Variants in SLC17A7 observed in about 807,000 individuals in gnomAD.
SLC17A7 encodes solute carrier family 17 member 7.
In SLC17A7, 15 loss-of-function variants were observed where a neutral mutation model predicts 59.1. The observed-to-expected ratio is 0.25, with a 90% confidence interval of 0.17 to 0.39. The LOEUF is 0.39. Ranked by LOEUF, SLC17A7 falls within the 10% of genes least tolerant of loss-of-function variation. The pLI, the probability that SLC17A7 is intolerant of heterozygous loss-of-function variation, is 1.00. For synonymous variants in SLC17A7, 353 were observed against 308.9 expected, an observed-to-expected ratio of 1.14 and a Z score of -1.50; for missense variants, 499 against 765.1, an observed-to-expected ratio of 0.65 and a Z score of 4.10.
Position 49,434,667 on chromosome 19 carries a change from T to G in SLC17A7, c.572A>C (p.His191Pro). The change falls in exon 5 of 12, where the codon CAT becomes CCT. Residue 191 changes from histidine (H) to proline (P), a missense_variant. His to Pro is a moderately conservative substitution (Grantham distance 77). Coordinates refer to ENST00000221485, the MANE Select transcript of SLC17A7 (RefSeq NM_020309.4). ...TGGGGCCCATTTGCTCCAGATCCCATGGCAGGCGGGGTATGTGACCCCCTA... is the reference window on the plus strand; with the variant it reads ...TGGGGCCCATTTGCTCCAGATCCCAGGGCAGGCGGGGTATGTGACCCCCTA... ...LVEGVTYPAC[H>P]GIWSKWAPPL... 1 of 1,614,024 alleles carries G rather than the reference T, an allele frequency of 6.2e-7. No individual in the cohort carries two copies. The highest frequency in any genetic ancestry group is 8.5e-7 in the Non-Finnish European group (1 of 1,179,982).
chr19:49,441,249 C>T (rs369662833), intron 1 of SLC17A7, 69 bp downstream of exon 1: 9 of 1,565,094 alleles, frequency 5.8e-6, no homozygotes, highest in South Asian at 3.5e-5. Context: ...TGTCAGTCTG[C>T]GCCCAGGTGG....
Position 49,430,738 on chromosome 19 carries a change from G to A in SLC17A7, c.1464C>T (p.Val488=). 1 of 1,614,108 alleles carries A rather than the reference G, an allele frequency of 6.2e-7. No individual in the cohort carries two copies. The highest frequency in any genetic ancestry group is 8.5e-7 in the Non-Finnish European group (1 of 1,180,004). ...ACGGCTGCTTCTCTCCAGAAGCAAA[G>A]ACCCCGTAGAAGATGACACCTCCAT... ...VHYGGVIFYG[V]FASGEKQPWA... The change falls in exon 12 of 12, where the codon GTC becomes GTT. Residue 488 remains valine (V), a synonymous_variant. Transcript: ENST00000221485.
At position 49,433,858 on chromosome 19, in the gene SLC17A7, C is replaced by A; in HGVS notation, c.735G>T (p.Gly245=). 1 of 1,611,094 alleles carries A rather than the reference C, an allele frequency of 6.2e-7. No individual in the cohort carries two copies. Among genetic ancestry groups the A allele is most frequent in the Non-Finnish European group, 8.5e-7 (1 of 1,177,842 alleles). ...SSVFYVYGSF[G]IFWYLFWLLV... is the part of the protein sequence containing the mutation. ...GCAGCCAGAACAGGTACCAGAAGAT[C>A]CCGAAGCTGCCTGGGGGGGTCAGGA... Residue 245 remains glycine (G), a synonymous_variant, in exon 7 of 12, where the codon GGG becomes GGT. Coordinates refer to ENST00000221485, the MANE Select transcript of SLC17A7 (RefSeq NM_020309.4). This position sits in a 1 kb window ranked among gnomAD's most constrained non-coding sequence, Gnocchi z 5.7.
In SLC17A7 at chr19:49,430,243, C is replaced by G; in HGVS notation, c.*276G>C. 1 of 326,970 alleles carries G rather than the reference C, an allele frequency of 3.1e-6. No homozygotes were observed. Among genetic ancestry groups the G allele is most frequent in the South Asian group, 6.6e-5 (1 of 15,138 alleles). 20.3% of individuals were successfully genotyped at this position (326,970 alleles called of 1,614,324 possible). A position where few individuals can be genotyped will look rare whatever the true frequency, so the allele number is the denominator to read the frequency against. ...GGTCGAACTGTCCATTCAAATAAAG[C>G]CCTGAAAGGAGAGATTTGAAACCAC... is the stretch of plus-strand genomic sequence containing the variant. On this transcript the variant is annotated 3_prime_UTR_variant, in exon 12 of 12. Coordinates refer to ENST00000221485, the MANE Select transcript of SLC17A7 (RefSeq NM_020309.4).
intron 5 of SLC17A7, 91 bp downstream of exon 5, chr19:49,434,511 C>G (rs1600986166): frequency 1.4e-5 from 15 of 1,082,398 alleles, no homozygotes; most frequent in Non-Finnish European, 1.7e-5. Context: ...AGGAGTTCAG[C>G]CCCCCCAGCC....
Position 49,431,406 on chromosome 19 carries a change from G to C in SLC17A7, c.1193C>G (p.Ser398Trp). ...EATLLLVVGY[S>W]HSKGVAISFL... ...GGAGATGGCCACGCCCTTGGAGTGC[G>C]AGTAGCCGACCACCAACAGCAGCGT... Residue 398 changes from serine (S) to tryptophan (W), a missense_variant, in exon 10 of 12, where the codon TCG becomes TGG. Ser to Trp is a radical substitution (Grantham distance 177, BLOSUM62 -3). Coordinates refer to ENST00000221485, the MANE Select transcript of SLC17A7 (RefSeq NM_020309.4). The surrounding 1 kb of genome is among the most constrained non-coding windows in gnomAD (Gnocchi z 4.6). 1 of 1,614,102 alleles carries C rather than the reference G, an allele frequency of 6.2e-7. No homozygotes were observed. Among genetic ancestry groups the C allele is most frequent in the Non-Finnish European group, 8.5e-7 (1 of 1,180,020 alleles).
intron 3 of SLC17A7, 129 bp from the exon 4 acceptor site, chr19:49,435,011 A>C: frequency 9.8e-7 from 1 of 1,023,278 alleles, no homozygotes; most frequent in Non-Finnish European, 1.5e-6. Flanking sequence ...TCTGACTTAC[A>C]CCTTCCTCAA....
Position 49,430,636 on chromosome 19 carries a change from G to C in SLC17A7, c.1566C>G (p.Ser522Arg), listed in dbSNP as rs1226185492. The C allele has an allele frequency of 1.9e-6, 3 of 1,613,934 alleles. No homozygotes were observed. The highest frequency in any genetic ancestry group is 1.3e-5 in the African/African-American group (1 of 74,892). ...GHDQLAGSDD[S>R]EMEDEAEPPG... ...GGGGCTCAGCCTCATCCTCCATTTC[G>C]CTGTCGTCACTGCCAGCCAGCTGGT... The change falls in exon 12 of 12, where the codon AGC (serine) becomes AGG (arginine). Residue 522 changes from serine to arginine, a missense_variant. This residue lies in a region of SLC17A7 where 98 missense variants were observed against 77.5 expected (regional missense o/e 1.27). Coordinates refer to ENST00000221485, the MANE Select transcript of SLC17A7 (RefSeq NM_020309.4).
chr19:49,436,754 G>A lies in SLC17A7; in HGVS notation c.110C>T (p.Ala37Val), dbSNP rs2078981365. ...QEGAETLELSADGRPVTTQTR... is the reference protein window; with the variant it reads ...QEGAETLELSVDGRPVTTQTR... ...CTGCGTGGTCACCGGGCGCCCATCC[G>A]CACTCAGCTCCAGCGTCTCCGCGCC... The change falls in exon 2 of 12, where the codon GCG (alanine) becomes GTG (valine). Residue 37 changes from alanine to valine, a missense_variant. Ala to Val is a moderately conservative substitution (Grantham distance 64, BLOSUM62 0). Transcript: ENST00000221485. The surrounding 1 kb of genome is among the most constrained non-coding windows in gnomAD (Gnocchi z 4.1). 1.2e-6 allele frequency: 2 copies of A among 1,608,342 alleles called. No homozygotes were observed. The highest frequency in any genetic ancestry group is 2.2e-5 in the East Asian group (1 of 44,880).
chr19:49,434,944 T>G (rs1464494993), intron 3 of SLC17A7, 62 bp from the exon 4 acceptor site: 4 of 1,521,656 alleles, frequency 2.6e-6, no homozygotes, highest in East Asian at 4.6e-5. Flanking sequence ...ATTCTGCCTT[T>G]CCCGCCCACA....
In SLC17A7 at chr19:49,431,209, T is replaced by C. The variant is rs910280533; in HGVS notation, c.1262-67A>G. ...ACTCGAGTGATTCCCACTGGGACGT[T>C]CTCAACCCTCTCCCCTCCCCGCCAC... On this transcript the variant is annotated intron_variant, in intron 10 of 11. Transcript: ENST00000221485. The surrounding 1 kb of genome is among the most constrained non-coding windows in gnomAD (Gnocchi z 4.6). 18 of 1,567,670 alleles carry C rather than the reference T, an allele frequency of 1.1e-5. No homozygotes were observed. The highest frequency in any genetic ancestry group is 1.6e-5 in the Non-Finnish European group (18 of 1,154,042).
rs70954427 is a variant in SLC17A7 at position 49,431,782 on chromosome 19, GTTT to G, written c.1151-337_1151-335del. On this transcript the variant is annotated intron_variant, in intron 9 of 11. Transcript: ENST00000221485. The surrounding 1 kb of genome is among the most constrained non-coding windows in gnomAD (Gnocchi z 4.6). ...CTCAATCCCCACTCATGAGTTTTTG[GTTT>G]TTTTTTTTTTTAATTTTTGATTTTT... 2.4e-4 allele frequency among the ~76,000 whole-genome samples: 36 copies of G among 148,724 alleles called. No homozygotes were observed. The highest frequency in any genetic ancestry group is 6.4e-4 in the South Asian group (3 of 4,718).
In SLC17A7 at chr19:49,430,792, G is replaced by A. The variant is rs1359315634; in HGVS notation, c.1410C>T (p.Tyr470=). The A allele has an allele frequency of 1.2e-6, 2 of 1,611,998 alleles. No individual in the cohort carries two copies. The highest frequency in any genetic ancestry group is 1.7e-5 in the Admixed American group (1 of 59,860). The stretch of plus-strand genomic sequence containing the variant: ...GCACCAGGGAGGCAATTAGGAACAC[G>A]TACTGCCACTCCTCCCGAGTCTGCA... The part of the protein sequence containing the change: ...TKHKTREEWQ[Y]VFLIASLVHY... The change falls in exon 12 of 12, where the codon TAC becomes TAT. Residue 470 remains tyrosine, a synonymous_variant. Transcript: ENST00000221485.
chr19:49,434,006 C>T lies in SLC17A7; in HGVS notation c.678G>A (p.Gly226=), dbSNP rs373858112. Residue 226 remains glycine, a synonymous_variant, in exon 6 of 12, where the codon GGG becomes GGA. Transcript: ENST00000221485. ...TCCATCCTGAGTACTGCACAAGGAC[C>T]CCGGCGAGGGGCATCGCGACCACCG... ...AGAVVAMPLA[G]VLVQYSGWSS... The T allele has an allele frequency of 3.4e-5, 55 of 1,613,536 alleles. No homozygotes were observed. In the East Asian group the frequency reaches 1.1e-3, roughly 31 times the overall value.
chr19:49,436,510 G>C lies in SLC17A7; in HGVS notation c.315+39C>G, dbSNP rs2078980230. 2 of 1,595,326 alleles carry C rather than the reference G, an allele frequency of 1.3e-6. No homozygotes were observed. The highest frequency in any genetic ancestry group is 1.7e-6 in the Non-Finnish European group (2 of 1,171,478). On this transcript the variant is annotated intron_variant, in intron 2 of 11. Transcript: ENST00000221485. This position sits in a 1 kb window ranked among gnomAD's most constrained non-coding sequence, Gnocchi z 4.1. ...TGGGGGCGTAGGCGGAGCTCGGTGA[G>C]CGGGGCGGGGCTCTGCAAGGGCTCA...
chr19:49,435,641 G>A (rs772518106), intron 2 of SLC17A7: 4 of 181,492 alleles, frequency 2.2e-5, no homozygotes, highest in Admixed American at 1.2e-4. Flanking sequence ...CAGGGTCCAG[G>A]CGGGGACACG....
Position 49,432,423 on chromosome 19 carries a change from G to A in SLC17A7, c.1150+96C>T, listed in dbSNP as rs1003235385. ...AGAAAGGGACTCCTGGGGCAGGCTG[G>A]ATGGTTTCCGCCTGTAACCACTCCC... On this transcript the variant is annotated intron_variant, in intron 9 of 11. Transcript: ENST00000221485. 6.3e-5 allele frequency: 92 copies of A among 1,465,314 alleles called. 5 individuals are homozygous for A. In the South Asian group the frequency reaches 1.2e-3, roughly 19 times the overall value. The allele number at this position is 1,465,314 out of a possible 1,614,324, so 90.8% of individuals were successfully genotyped here. A position where few individuals can be genotyped will look rare whatever the true frequency, so the allele number is the denominator to read the frequency against.
At chr19:49,438,813 C>T (rs139890325) in intron 1 of SLC17A7, among the ~76,000 whole-genome samples, 1 of 152,278 alleles carries the variant, frequency 6.6e-6, no homozygotes, top group East Asian at 1.9e-4. Context: ...GATGTGATTG[C>T]AGCCCCTGAT....
Position 49,432,852 on chromosome 19 carries a change from G to A in SLC17A7, c.976C>T (p.Pro326Ser). Residue 326 changes from proline (P) to serine (S), a missense_variant, in exon 8 of 12, where the codon CCC becomes TCC. Around this residue, in one of 3 missense-constraint regions of SLC17A7, gnomAD observed 323 missense variants for 607.2 expected, o/e 0.53. Coordinates refer to ENST00000221485, the MANE Select transcript of SLC17A7 (RefSeq NM_020309.4). ...CCGAACACTTCTTCGAAGTAGGCGG[G>A]CTGGGAGATGAGCAGCAGGTAGAAC... is the stretch of plus-strand genomic sequence containing the variant. ...WTFYLLLISQ[P>S]AYFEEVFGFE... 1 of 1,592,268 alleles carries A rather than the reference G, an allele frequency of 6.3e-7. No individual in the cohort carries two copies. Among genetic ancestry groups the A allele is most frequent in the Non-Finnish European group, 8.6e-7 (1 of 1,169,078 alleles).
Sources: allele counts gnomAD v4.1 joint callset (sites outside exome capture counted in the v4.1 genomes callset), GRCh38; gene constraint gnomAD v4.1.1; regional missense constraint gnomAD v4.1.1; non-coding constraint Gnocchi (gnomAD v3.1); transcripts MANE v1.5; gene names NCBI Gene and HGNC (gene_info 2026-07-23, HGNC 2026-07-21).